The following CWH43 variants were observed in gnomAD, a reference collection of about 807,000 sequenced individuals.
CWH43 encodes the protein cell wall biogenesis 43 C-terminal homolog.
A neutral mutation model predicts 85.7 loss-of-function variants in CWH43; 91 were observed. The ratio of observed to expected loss-of-function variants is 1.06; its 90% CI spans 0.90 to 1.26. CWH43 has a LOEUF of 1.26. Among genes scored for constraint, CWH43 ranks in the 50% most tolerant of loss-of-function variants. The pLI is 0.00. For synonymous variants in CWH43, 323 were observed against 293.6 expected (o/e 1.10, Z -1.02); for missense variants, 869 against 839.2 (o/e 1.04, Z -0.44).
In CWH43 at chr4:48,992,925, A is replaced by G. The variant is rs1177792808; in HGVS notation, c.511+835A>G. On this transcript the variant is annotated intron_variant, in intron 4 of 15. Transcript: ENST00000226432. The surrounding 1 kb of genome is among the most constrained non-coding windows in gnomAD (Gnocchi z 4.3). ...GTCAGTAAATTGGCCTTGTGATGTT[A>G]ATAGTAGAAGACTTAGAACTCTGTC... 6.6e-6 allele frequency among the ~76,000 whole-genome samples: 1 copy of G among 152,226 alleles called. No homozygotes were observed. The highest frequency in any genetic ancestry group is 1.5e-5 in the Non-Finnish European group (1 of 68,030).
chr4:48,999,844 C>A (rs1189503977), intron 6 of CWH43, among the ~76,000 whole-genome samples: 1 of 152,180 alleles, frequency 6.6e-6, no homozygotes, highest in Admixed American at 6.5e-5. Flanking sequence ...TACTCAAAGA[C>A]CTGACCCATC....
intron 13 of CWH43, among the ~76,000 whole-genome samples, chr4:49,041,897 A>G (rs1784475452): frequency 6.6e-6 from 1 of 152,198 alleles, no homozygotes; most frequent in Admixed American, 6.5e-5. Context: ...AATTTAGTCT[A>G]ATGGCCATAC....
At chr4:48,998,578 C>T (rs552206176) in intron 6 of CWH43, 30 bp downstream of exon 6, 37 of 1,491,606 alleles carry the variant, frequency 2.5e-5, no homozygotes, top group South Asian at 7.9e-5. Context: ...AGATAGAACA[C>T]GACTGAGCTT....
intron 12 of CWH43, among the ~76,000 whole-genome samples, chr4:49,034,806 C>T (rs1304071674): frequency 6.6e-6 from 1 of 152,120 alleles, no homozygotes; most frequent in Non-Finnish European, 1.5e-5. Flanking sequence ...GTGCAATAGT[C>T]CTACCTATTT....
At chr4:49,031,003 G>C (rs551363833) in intron 11 of CWH43, 43 bp downstream of exon 11, 24 of 1,525,500 alleles carry the variant, frequency 1.6e-5, no homozygotes, top group Middle Eastern at 1.8e-4. Flanking sequence ...AGTCATGAAA[G>C]GCTAGGCTGC....
Position 49,003,748 on chromosome 4 carries a change from T to G in CWH43, c.816T>G (p.Ala272=), listed in dbSNP as rs778703201. 1 of 1,613,946 alleles carries G rather than the reference T, an allele frequency of 6.2e-7. No individual in the cohort carries two copies. The highest frequency in any genetic ancestry group is 1.7e-5 in the Admixed American group (1 of 59,986). ...LIWWVTGTAS[A]AGLLYLHTWA... is the part of the protein sequence containing the mutation. ...TCTCACAAACAGGAACAGCTTCAGC[T>G]GCGGGGCTCCTTTACCTGCACACAT... Residue 272 remains alanine (A), a synonymous_variant, in exon 7 of 16, where the codon GCT becomes GCG. Coordinates refer to ENST00000226432, the MANE Select transcript of CWH43 (RefSeq NM_025087.3).
chr4:49,046,426 T>A (rs532248484), intron 14 of CWH43, among the ~76,000 whole-genome samples: 2 of 152,000 alleles, frequency 1.3e-5, no homozygotes, highest in East Asian at 3.9e-4. Flanking sequence ...AACAAAATCC[T>A]TGACTGTGGT....
At chr4:49,029,419 A>G (rs1345448452) in intron 10 of CWH43, among the ~76,000 whole-genome samples, 3 of 152,228 alleles carry the variant, frequency 2.0e-5, no homozygotes, top group Admixed American at 1.3e-4. Context: ...GCCTCTGCCC[A>G]AGAAAGCTTG....
chr4:49,024,083 T>A (rs1218925468), intron 9 of CWH43, among the ~76,000 whole-genome samples: 4 of 152,208 alleles, frequency 2.6e-5, no homozygotes, highest in African/African-American at 9.6e-5. Flanking sequence ...CTAGTCCTTT[T>A]ATCGTTATGT....
rs527250559 is a variant in CWH43 at position 48,986,520 on chromosome 4, G to A, written c.43+48G>A. 4.5e-6 allele frequency: 7 copies of A among 1,548,986 alleles called. No homozygotes were observed. In the East Asian group the frequency reaches 1.7e-4, roughly 38 times the overall value. On this transcript the variant is annotated intron_variant, in intron 1 of 15. Transcript: ENST00000226432. The stretch of plus-strand genomic sequence containing the variant: ...GAGTTCGCGGGTGCCAGCTCCCCGG[G>A]CCATGTCCAGAGCCGTGGAGCCAGG...
At chr4:49,016,216 C>A (rs1783537859) in intron 8 of CWH43, among the ~76,000 whole-genome samples, 1 of 152,078 alleles carries the variant, frequency 6.6e-6, no homozygotes, top group Non-Finnish European at 1.5e-5. Flanking sequence ...AATCATTGGC[C>A]AATAAATTCA....
In CWH43 at chr4:49,054,741, C is replaced by G. The variant is rs1382603395; in HGVS notation, c.2021+3892C>G. On this transcript the variant is annotated intron_variant, in intron 15 of 15. Transcript: ENST00000226432. The stretch of plus-strand genomic sequence containing the variant: ...TTCACCTCCTTGGTTAAATTTATTC[C>G]TAAGTATTTTTTGATGCTATTGTAA... Among the ~76,000 whole-genome samples the G allele has an allele frequency of 4.0e-5, 6 of 151,762 alleles. No homozygotes were observed. In the East Asian group the frequency reaches 1.2e-3, roughly 29 times the overall value.
rs1374348676 is a variant in CWH43, at chr4:49,028,581, T to C, written c.1267-48T>C. The C allele has an allele frequency of 3.7e-6, 5 of 1,359,750 alleles. No homozygotes were observed. The East Asian group carries it at 9.3e-5, about 25-fold the overall frequency. The allele number at this position is 1,359,750 out of a possible 1,614,324, so 84.2% of individuals were successfully genotyped here. On this transcript the variant is annotated intron_variant, in intron 9 of 15. Transcript: ENST00000226432. ...GTGGAGAAAAGTGGGTCACTGAAAC[T>C]GCCATTGTTCACAGTCATCCTAAAC...
chr4:49,035,280 T>C (rs1210219233), intron 12 of CWH43, among the ~76,000 whole-genome samples: 1 of 152,214 alleles, frequency 6.6e-6, no homozygotes, highest in Non-Finnish European at 1.5e-5. Context: ...TGCATGTTAT[T>C]AGCTGATTCA....
At chr4:49,019,219 A>G in intron 9 of CWH43, among the ~76,000 whole-genome samples, 1 of 152,200 alleles carries the variant, frequency 6.6e-6, no homozygotes, top group East Asian at 1.9e-4. Flanking sequence ...CTCCTTTTAG[A>G]TCAAGCTGCC....
chr4:49,005,039 G>A (rs1242366693), intron 7 of CWH43, among the ~76,000 whole-genome samples: 1 of 152,058 alleles, frequency 6.6e-6, no homozygotes, highest in Non-Finnish European at 1.5e-5. Context: ...CAAAGTGTTT[G>A]AAAGATGAGG....
chr4:48,997,087 ATTC>A (rs1386668370), intron 5 of CWH43, among the ~76,000 whole-genome samples: 1 of 152,212 alleles, frequency 6.6e-6, no homozygotes, highest in Non-Finnish European at 1.5e-5. Context: ...TGAACATGGA[ATTC>A]TTCTTTAGAA....
Position 48,996,810 on chromosome 4 carries a change from A to G in CWH43, c.714-1650A>G, listed in dbSNP as rs114966396. Among the ~76,000 whole-genome samples the G allele has an allele frequency of 1.9e-3, 292 of 152,312 alleles. 1 individual carries two copies. The highest frequency in any genetic ancestry group is 6.8e-3 in the African/African-American group (283 of 41,562). On this transcript the variant is annotated intron_variant, in intron 5 of 15. Coordinates refer to ENST00000226432, the MANE Select transcript of CWH43 (RefSeq NM_025087.3). ...AGGGGGAAACTTTCTCACATATATA[A>G]AATCAGCATTTGCTTTTCAGACATT...
In CWH43 at chr4:49,007,320, A is replaced by G. The variant is rs779025162; in HGVS notation, c.1180A>G (p.Lys394Glu). Reference sequence around the variant, plus strand: ...TTTCAGAAAGAGTGAAAAATACATGAAACTTTGTAAGTATAGTTTTACATT... The same window carrying G: ...TTTCAGAAAGAGTGAAAAATACATGGAACTTTGTAAGTATAGTTTTACATT... ...VLFRKSEKYM[K>E]LFLWLLVGVG... Residue 394 changes from lysine to glutamate, a missense_variant, in exon 8 of 16, where the codon AAA becomes GAA. By Grantham distance (56) the Lys-to-Glu change is moderately conservative. Around this residue, in one of 3 missense-constraint regions of CWH43, gnomAD observed 577 missense variants for 513.1 expected, o/e 1.12. Coordinates refer to ENST00000226432, the MANE Select transcript of CWH43 (RefSeq NM_025087.3). 1 of 1,592,242 alleles carries G rather than the reference A, an allele frequency of 6.3e-7. No individual in the cohort carries two copies. The highest frequency in any genetic ancestry group is 1.8e-5 in the Admixed American group (1 of 56,596).
Sources: gnomAD v4.1 joint callset for allele counts (sites outside exome capture counted in the v4.1 genomes callset) on GRCh38, gnomAD v4.1.1 for gene constraint, gnomAD v4.1.1 regional missense constraint, Gnocchi (gnomAD v3.1) non-coding constraint, MANE v1.5 for transcripts, NCBI Gene and HGNC (gene_info 2026-07-23, HGNC 2026-07-21) for gene names.